ABCA12: variants seen among roughly 807,000 people sequenced by gnomAD.
ABCA12 encodes the protein ATP binding cassette subfamily A member 12, also known as glucosylceramide transporter ABCA12.
A neutral mutation model predicts 293.5 loss-of-function variants in ABCA12; 156 were observed. The ratio of observed to expected loss-of-function variants is 0.53; its 90% CI spans 0.47 to 0.61. The LOEUF (loss-of-function observed/expected upper bound fraction) is 0.61. Ranked by LOEUF, ABCA12 falls within the 20% of genes least tolerant of loss-of-function variation. The pLI is 0.00. For missense variants in ABCA12, 2,797 were observed against 3,090.2 expected (o/e 0.91, Z 2.25); for synonymous variants, 1,063 against 1,108.0 (o/e 0.96, Z 0.81).
intron 1 of ABCA12, among the ~76,000 whole-genome samples, chr2:215,133,050 C>T (rs1331396321): frequency 6.6e-6 from 1 of 150,962 alleles, no homozygotes; most frequent in Non-Finnish European, 1.5e-5. Context: ...AAAATAGATC[C>T]TCATCTTTTC....
Position 214,980,632 on chromosome 2 carries a change from T to C in ABCA12, c.4591A>G (p.Ile1531Val). ...TCGTCCAAGTGGTGCGTTGACAGAATGATTGTTCTGGCTTGAAAATACAGA... is the reference window on the plus strand; with the variant it reads ...TCGTCCAAGTGGTGCGTTGACAGAACGATTGTTCTGGCTTGAAAATACAGA... ...ISKNKTARTIILSTHHLDEAE... is the reference protein window; with the variant it reads ...ISKNKTARTIVLSTHHLDEAE... The change falls in exon 31 of 53, where the codon ATT becomes GTT. Residue 1531 changes from isoleucine (I) to valine (V), a missense_variant. Physicochemically the swap from Ile to Val is conservative, Grantham distance 29. Coordinates refer to ENST00000272895, the MANE Select transcript of ABCA12 (RefSeq NM_173076.3). 6.2e-7 allele frequency: 1 copy of C among 1,614,092 alleles called. No homozygotes were observed. The highest frequency in any genetic ancestry group is 2.2e-5 in the East Asian group (1 of 44,880).
At chr2:215,136,459 T>G (rs1385370822) in intron 1 of ABCA12, among the ~76,000 whole-genome samples, 7 of 148,808 alleles carry the variant, frequency 4.7e-5, no homozygotes, top group Non-Finnish European at 5.9e-5. Flanking sequence ...GATTTGGGTG[T>G]TTTTTTTTCC....
Position 215,049,680 on chromosome 2 carries a change from A to T in ABCA12, c.639T>A (p.Ser213=). The change falls in exon 6 of 53, where the codon TCT becomes TCA. Residue 213 remains serine, a synonymous_variant. Coordinates refer to ENST00000272895, the MANE Select transcript of ABCA12 (RefSeq NM_173076.3). ...GRNVFNKFCL[S]NMTLLESSLQ... ...GAGAAGACTCTAAAAGGGTCATGTT[A>T]GAAAGGCAAAATTTGTTAAAAACAT... 1 of 1,613,658 alleles carries T rather than the reference A, an allele frequency of 6.2e-7. No homozygotes were observed. Among genetic ancestry groups the T allele is most frequent in the South Asian group, 1.1e-5 (1 of 91,068 alleles).
At chr2:215,108,299 C>A (rs1019337314) in intron 2 of ABCA12, among the ~76,000 whole-genome samples, 2 of 152,176 alleles carry the variant, frequency 1.3e-5, no homozygotes, top group African/African-American at 4.8e-5. Flanking sequence ...TGCACTTACT[C>A]CCCATATTTC....
chr2:215,018,415 C>T (rs1700553333), intron 13 of ABCA12, among the ~76,000 whole-genome samples: 1 of 152,134 alleles, frequency 6.6e-6, no homozygotes, highest in Admixed American at 6.6e-5. Context: ...ATATGCTTTC[C>T]TCACAGATTT....
intron 2 of ABCA12, among the ~76,000 whole-genome samples, chr2:215,080,083 T>G (rs1701908959): frequency 1.3e-5 from 2 of 152,192 alleles, no homozygotes. Context: ...TTGAAAAAAC[T>G]TTGCATCTTT....
intron 2 of ABCA12, among the ~76,000 whole-genome samples, chr2:215,069,293 C>A (rs533325283): frequency 6.6e-6 from 1 of 151,304 alleles, no homozygotes; most frequent in Non-Finnish European, 1.5e-5. Context: ...GCCTTCTGAT[C>A]GTGCAAATAA....
chr2:215,025,750 G>T lies in ABCA12; in HGVS notation c.1210C>A (p.Arg404=). The T allele has an allele frequency of 6.2e-7, 1 of 1,612,332 alleles. No homozygotes were observed. ...ENLRLLQSTI[R]FKKSFLRNGS... ...TTGCGAAGAAAAGATTTTTTAAATC[G>T]TATTGTGGACTGCAGGAGTCTTAGA... Residue 404 remains arginine, a synonymous_variant, in exon 11 of 53, where the codon CGA becomes AGA. Transcript: ENST00000272895.
chr2:215,114,927 T>G (rs1175152171), intron 1 of ABCA12, among the ~76,000 whole-genome samples: 1 of 152,198 alleles, frequency 6.6e-6, no homozygotes, highest in East Asian at 1.9e-4. Flanking sequence ...GAGAATTCAG[T>G]GACCGAGATC....
At chr2:215,072,639 C>T (rs114587115) in intron 2 of ABCA12, among the ~76,000 whole-genome samples, 16 of 152,262 alleles carry the variant, frequency 1.1e-4, no homozygotes, top group Non-Finnish European at 8.8e-5. Flanking sequence ...AGATCATGGC[C>T]TGGTCTATTT....
chr2:215,020,549 G>A (rs1700606563), intron 11 of ABCA12, among the ~76,000 whole-genome samples: 1 of 152,136 alleles, frequency 6.6e-6, no homozygotes, highest in African/African-American at 2.4e-5. Flanking sequence ...ATGAGGAGTT[G>A]TTTAATGAAT....
intron 2 of ABCA12, among the ~76,000 whole-genome samples, chr2:215,077,569 T>C (rs1701857676): frequency 6.6e-6 from 1 of 152,158 alleles, no homozygotes; most frequent in African/African-American, 2.4e-5. Flanking sequence ...TTCCATTATA[T>C]ATTACCTCTA....
chr2:215,082,645 G>C (rs1053134860), intron 2 of ABCA12: 15 of 152,152 alleles, frequency 9.9e-5, no homozygotes, highest in Admixed American at 9.8e-4. Flanking sequence ...CCAGTGGCCT[G>C]TGAAGAGTCA....
chr2:215,062,756 G>A (rs948229403), intron 3 of ABCA12, among the ~76,000 whole-genome samples: 4 of 151,928 alleles, frequency 2.6e-5, no homozygotes, highest in East Asian at 1.9e-4. Flanking sequence ...GGTCTCTACC[G>A]AAATGTCACT....
chr2:215,086,372 T>C (rs374295268), intron 2 of ABCA12, among the ~76,000 whole-genome samples: 37 of 152,326 alleles, frequency 2.4e-4, no homozygotes, highest in African/African-American at 8.9e-4. Context: ...TCTAGGAGAA[T>C]TCAAGCCAGC....
intron 51 of ABCA12, 23 bp from the exon 52 acceptor site, chr2:214,934,238 G>A (rs760111481): frequency 6.2e-7 from 1 of 1,613,328 alleles, no homozygotes; most frequent in Admixed American, 1.7e-5. Context: ...AAGGAAAAAA[G>A]TTTATTTTGC....
chr2:215,053,826 C>T (rs1193984927), intron 4 of ABCA12, among the ~76,000 whole-genome samples: 1 of 152,024 alleles, frequency 6.6e-6, no homozygotes, highest in Non-Finnish European at 1.5e-5. Flanking sequence ...GTATTAGGGA[C>T]TTAGTAAATA....
Position 214,937,573 on chromosome 2 carries a change from G to C in ABCA12, c.7479C>G (p.Asn2493Lys), listed in dbSNP as rs1698260631. 1.2e-6 allele frequency: 2 copies of C among 1,613,794 alleles called. No homozygotes were observed. The highest frequency in any genetic ancestry group is 2.7e-5 in the African/African-American group (2 of 74,922). The change falls in exon 51 of 53, where the codon AAC (asparagine) becomes AAG (lysine). Residue 2493 changes from asparagine (N) to lysine (K), a missense_variant. Around this residue, in one of 3 missense-constraint regions of ABCA12, gnomAD observed 2,130 missense variants for 2,427.0 expected, o/e 0.88. Transcript: ENST00000272895. ...GFTVKVHLKNNKVTMETLTKF... is the reference protein window; with the variant it reads ...GFTVKVHLKNKKVTMETLTKF... ...TTGTGAGGGTCTCCATGGTCACTTT[G>C]TTATTCTTCAAGTGAACTTTGACAG... is the stretch of plus-strand genomic sequence containing the variant.
intron 23 of ABCA12, among the ~76,000 whole-genome samples, chr2:214,993,501 A>T (rs1699969934): frequency 6.6e-6 from 1 of 152,212 alleles, no homozygotes; most frequent in Non-Finnish European, 1.5e-5. Flanking sequence ...CACCTGTTCC[A>T]ATATGATATG....
Sources: gnomAD v4.1 joint callset for allele counts (sites outside exome capture counted in the v4.1 genomes callset) on GRCh38, gnomAD v4.1.1 for gene constraint, gnomAD v4.1.1 regional missense constraint, MANE v1.5 for transcripts, NCBI Gene and HGNC (gene_info 2026-07-23, HGNC 2026-07-21) for gene names.